Variants in DPYD observed in about 807,000 individuals in gnomAD.
The protein encoded by DPYD is dihydropyrimidine dehydrogenase.
A neutral mutation model predicts 116.2 loss-of-function variants in DPYD; 109 were observed. The observed-to-expected ratio is 0.94, with a 90% CI of 0.80 to 1.10. The LOEUF (loss-of-function observed/expected upper bound fraction) is 1.10, where lower values mean the gene tolerates loss of function less well. DPYD is among the 50% of genes least tolerant of loss of function. The pLI is 0.00. For missense variants in DPYD, 1,302 were observed against 1,254.5 expected, an observed-to-expected ratio of 1.04 and a Z score of -0.57; for synonymous variants, 440 against 432.0, an observed-to-expected ratio of 1.02 and a Z score of -0.23.
At chr1:97,782,815 C>T (rs4970715) in intron 3 of DPYD, among the ~76,000 whole-genome samples, 5 of 152,192 alleles carry the variant, frequency 3.3e-5, no homozygotes, top group Non-Finnish European at 7.3e-5. Flanking sequence ...AATGGTCAAA[C>T]TCCTTTGTTA....
intron 3 of DPYD, among the ~76,000 whole-genome samples, chr1:97,784,233 C>T (rs1246290019): frequency 6.6e-6 from 1 of 150,928 alleles, no homozygotes; most frequent in Non-Finnish European, 1.5e-5. Flanking sequence ...CTCCAAACAA[C>T]AGTGTTTCCT....
At chr1:97,571,361 C>T (rs770905535) in intron 11 of DPYD, among the ~76,000 whole-genome samples, 11 of 151,880 alleles carry the variant, frequency 7.2e-5, no homozygotes, top group Admixed American at 2.0e-4. Context: ...TGTATTACTA[C>T]GCTTTTTTTT....
chr1:97,577,266 G>C (rs1395399330), intron 10 of DPYD, among the ~76,000 whole-genome samples: 1 of 152,148 alleles, frequency 6.6e-6, no homozygotes. Context: ...GGTGGATCAA[G>C]ATATTTCCCT....
chr1:97,091,241 T>C (rs1649878443), intron 21 of DPYD, among the ~76,000 whole-genome samples: 1 of 151,928 alleles, frequency 6.6e-6, no homozygotes, highest in Non-Finnish European at 1.5e-5. Context: ...GTTTAAACTA[T>C]CGAACAGAGG....
chr1:97,518,431 TC>T (rs989670171), intron 12 of DPYD, among the ~76,000 whole-genome samples: 1 of 152,066 alleles, frequency 6.6e-6, no homozygotes, highest in Non-Finnish European at 1.5e-5. Flanking sequence ...AATGTACACC[TC>T]CTTTTCTGAA....
At chr1:97,857,121 C>A (rs929165032) in intron 2 of DPYD, among the ~76,000 whole-genome samples, 1 of 152,140 alleles carries the variant, frequency 6.6e-6, no homozygotes, top group African/African-American at 2.4e-5. Context: ...GGTCTCAATA[C>A]CAGCACTGGA....
chr1:97,899,443 T>C (rs1673251931), intron 1 of DPYD, among the ~76,000 whole-genome samples: 1 of 151,910 alleles, frequency 6.6e-6, no homozygotes, highest in South Asian at 2.1e-4. Context: ...CTTTTCCCTT[T>C]GTTTCTTTTA....
intron 12 of DPYD, chr1:97,545,988 G>A (rs1229428463): frequency 1.5e-6 from 2 of 1,332,536 alleles, no homozygotes; most frequent in East Asian, 2.3e-5. Context: ...AGAGGTTATG[G>A]CTGTCCTTGG....
chr1:97,613,203 T>A (rs1656056265), intron 8 of DPYD, among the ~76,000 whole-genome samples: 2 of 152,144 alleles, frequency 1.3e-5, no homozygotes, highest in South Asian at 4.1e-4. Context: ...TATCTAAATT[T>A]GTTTAAATCA....
chr1:97,683,955 C>T (rs1048653470), intron 7 of DPYD, among the ~76,000 whole-genome samples: 6 of 152,028 alleles, frequency 3.9e-5, no homozygotes, highest in Non-Finnish European at 8.8e-5. Flanking sequence ...AAACTAATAA[C>T]TTTAAATGTT....
At chr1:97,772,256 A>G (rs913255370) in intron 3 of DPYD, among the ~76,000 whole-genome samples, 4 of 152,182 alleles carry the variant, frequency 2.6e-5, no homozygotes, top group African/African-American at 9.7e-5. Context: ...CCATAGTCTT[A>G]GGCACTGCAC....
At chr1:97,439,688 A>AT (rs1384729367) in intron 14 of DPYD, among the ~76,000 whole-genome samples, 1 of 149,846 alleles carries the variant, frequency 6.7e-6, no homozygotes, top group Non-Finnish European at 1.5e-5. Flanking sequence ...GATGTTCTCT[A>AT]TTTTTTTTCT....
intron 20 of DPYD, among the ~76,000 whole-genome samples, chr1:97,168,050 A>G (rs929593718): frequency 3.3e-5 from 5 of 152,322 alleles, no homozygotes; most frequent in Middle Eastern, 3.4e-3. Context: ...TGGATGATAA[A>G]CCTAAAGTTT....
intron 3 of DPYD, among the ~76,000 whole-genome samples, chr1:97,748,186 G>T (rs1018296478): frequency 6.6e-6 from 1 of 152,094 alleles, no homozygotes; most frequent in Non-Finnish European, 1.5e-5. Context: ...CCTCTCAGGA[G>T]AACCAGAGAC....
At chr1:97,649,257 A>AT (rs1048818955) in intron 8 of DPYD, among the ~76,000 whole-genome samples, 2 of 152,082 alleles carry the variant, frequency 1.3e-5, no homozygotes, top group African/African-American at 4.8e-5. Context: ...TTTAATAAAG[A>AT]TTTTCAGCTA....
intron 20 of DPYD, among the ~76,000 whole-genome samples, chr1:97,171,893 G>A (rs1301685086): frequency 6.6e-6 from 1 of 152,088 alleles, no homozygotes; most frequent in Non-Finnish European, 1.5e-5. Flanking sequence ...GCAGTTTATA[G>A]GCATCACCTG....
intron 3 of DPYD, among the ~76,000 whole-genome samples, chr1:97,794,200 A>C (rs1320690357): frequency 6.6e-5 from 10 of 152,156 alleles, no homozygotes; most frequent in Non-Finnish European, 1.3e-4. Flanking sequence ...AGCCTTCCCA[A>C]ATTTTGGGAT....
chr1:97,552,379 C>G (rs921710404), intron 11 of DPYD, among the ~76,000 whole-genome samples: 6 of 152,048 alleles, frequency 3.9e-5, no homozygotes, highest in Admixed American at 2.0e-4. Context: ...CACTTTAACA[C>G]TCCACCTGTC....
chr1:97,173,537 GTATT>G (rs1167683917), intron 20 of DPYD, among the ~76,000 whole-genome samples: 1 of 150,286 alleles, frequency 6.7e-6, no homozygotes, highest in East Asian at 2.0e-4. Context: ...ATTATGTGAA[GTATT>G]TAGAGTTTAT....
Sources: allele counts gnomAD v4.1 joint callset (sites outside exome capture counted in the v4.1 genomes callset), GRCh38; gene constraint gnomAD v4.1.1; transcripts MANE v1.5; gene names NCBI Gene and HGNC (gene_info 2026-07-23, HGNC 2026-07-21).